The following SUGCT variants were observed in gnomAD, a reference collection of about 807,000 sequenced individuals.
SUGCT encodes succinyl-CoA:glutarate CoA-transferase.
In SUGCT, 41 loss-of-function variants were observed where a neutral mutation model predicts 55.0. The observed-to-expected ratio is 0.74, with a 90% confidence interval of 0.58 to 0.97. The LOEUF is 0.97. Ranked by LOEUF, SUGCT falls within the 50% of genes least tolerant of loss-of-function variation. SUGCT has a pLI of 0.00. For missense variants in SUGCT, 568 were observed against 547.8 expected (o/e 1.04, Z -0.37); for synonymous variants, 187 against 200.4 (o/e 0.93, Z 0.56).
At chr7:40,625,633 G>T (rs1207466082) in intron 12 of SUGCT, among the ~76,000 whole-genome samples, 5 of 152,246 alleles carry the variant, frequency 3.3e-5, no homozygotes, top group African/African-American at 1.2e-4. Flanking sequence ...CAACTCATTA[G>T]GGTATTTTTC....
At chr7:40,739,322 T>C (rs887196783) in intron 12 of SUGCT, among the ~76,000 whole-genome samples, 1 of 152,174 alleles carries the variant, frequency 6.6e-6, no homozygotes, top group African/African-American at 2.4e-5. Context: ...ATTTCAAGAA[T>C]GCTATGTTCA....
chr7:40,723,832 T>C (rs13223940), intron 12 of SUGCT, among the ~76,000 whole-genome samples: 1 of 152,340 alleles, frequency 6.6e-6, no homozygotes, highest in African/African-American at 2.4e-5. Context: ...CTGCTTACTG[T>C]CTGCATCTTC....
chr7:40,591,172 A>C (rs1300235049), intron 12 of SUGCT, among the ~76,000 whole-genome samples: 1 of 152,230 alleles, frequency 6.6e-6, no homozygotes, highest in African/African-American at 2.4e-5. Flanking sequence ...CATTAAGAAC[A>C]TTCGTGATTC....
chr7:40,844,187 G>A (rs554248282), intron 13 of SUGCT, among the ~76,000 whole-genome samples: 5 of 152,254 alleles, frequency 3.3e-5, no homozygotes, highest in African/African-American at 1.2e-4. Context: ...GAAGGCATGT[G>A]TTACAATCAG....
chr7:40,823,682 CT>C (rs1792148876), intron 13 of SUGCT, among the ~76,000 whole-genome samples: 1 of 151,984 alleles, frequency 6.6e-6, no homozygotes, highest in African/African-American at 2.4e-5. Flanking sequence ...CTTTTCTTTC[CT>C]TTCCTCTTCC....
At chr7:40,599,895 G>A (rs2151751026) in intron 12 of SUGCT, among the ~76,000 whole-genome samples, 1 of 152,298 alleles carries the variant, frequency 6.6e-6, no homozygotes, top group Non-Finnish European at 1.5e-5. Flanking sequence ...GGCACCATGT[G>A]CTCTGGAAGC....
chr7:40,268,986 A>G (rs896959251), intron 7 of SUGCT, among the ~76,000 whole-genome samples: 6 of 152,180 alleles, frequency 3.9e-5, no homozygotes, highest in African/African-American at 1.4e-4. Flanking sequence ...TTGCTGGGTC[A>G]TATGGTAACT....
intron 12 of SUGCT, among the ~76,000 whole-genome samples, chr7:40,640,694 C>T (rs1024618666): frequency 5.3e-5 from 8 of 152,186 alleles, no homozygotes; most frequent in Admixed American, 2.6e-4. Flanking sequence ...ACACACCCCC[C>T]ACAAAATTCT....
chr7:40,876,346 A>G, the SUGCT span, among the ~76,000 whole-genome samples: 11 of 152,148 alleles, frequency 7.2e-5, no homozygotes, highest in East Asian at 1.9e-4. Context: ...CAGAGCTTTC[A>G]TGTGCACATA....
At chr7:40,551,724 A>G (rs142503424) in intron 12 of SUGCT, among the ~76,000 whole-genome samples, 9 of 152,320 alleles carry the variant, frequency 5.9e-5, no homozygotes, top group African/African-American at 2.2e-4. Flanking sequence ...ACTGATTACA[A>G]TGTGGTAGGA....
intron 9 of SUGCT, among the ~76,000 whole-genome samples, chr7:40,419,869 C>T (rs1208251076): frequency 6.6e-6 from 1 of 152,170 alleles, no homozygotes; most frequent in Non-Finnish European, 1.5e-5. Flanking sequence ...ATGTGAAACA[C>T]TGTGCTAAGC....
intron 13 of SUGCT, among the ~76,000 whole-genome samples, chr7:40,798,797 T>G (rs1563011618): frequency 6.6e-6 from 1 of 152,210 alleles, no homozygotes. Flanking sequence ...GCAAAATACC[T>G]AAGTTACTAA....
intron 1 of SUGCT, among the ~76,000 whole-genome samples, chr7:40,176,895 C>A (rs1325089392): frequency 7.0e-6 from 1 of 143,880 alleles, no homozygotes; most frequent in Non-Finnish European, 1.5e-5. Context: ...ATCACTTGAA[C>A]CTGGGAAGCG....
chr7:40,248,013 G>GT (rs70996895), intron 7 of SUGCT, among the ~76,000 whole-genome samples: 182 of 123,036 alleles, frequency 1.5e-3, no homozygotes, highest in African/African-American at 4.9e-3. Context: ...TTGTTTTTTT[G>GT]TTTTTTTTTT....
At chr7:40,550,834 T>A (rs1182981547) in intron 12 of SUGCT, among the ~76,000 whole-genome samples, 1 of 152,142 alleles carries the variant, frequency 6.6e-6, no homozygotes, top group Admixed American at 6.6e-5. Flanking sequence ...TTTTTCAGAG[T>A]TCACATACAT....
At chr7:40,846,680 C>CT (rs1793573467) in intron 13 of SUGCT, among the ~76,000 whole-genome samples, 1 of 152,172 alleles carries the variant, frequency 6.6e-6, no homozygotes, top group South Asian at 2.1e-4. Context: ...TACAGTACTG[C>CT]TTTATAACAC....
chr7:40,596,995 A>C (rs1584091820), intron 12 of SUGCT, among the ~76,000 whole-genome samples: 1 of 152,198 alleles, frequency 6.6e-6, no homozygotes, highest in African/African-American at 2.4e-5. Flanking sequence ...GGCTGCATCC[A>C]GTGGATGCGA....
At chr7:40,491,107 G>A (rs577629857) in intron 11 of SUGCT, among the ~76,000 whole-genome samples, 2 of 152,276 alleles carry the variant, frequency 1.3e-5, no homozygotes, top group South Asian at 4.1e-4. Context: ...CTGAGTGCCA[G>A]TTATCTTCTA....
chr7:40,650,706 C>G (rs564502053), intron 12 of SUGCT, among the ~76,000 whole-genome samples: 3 of 152,104 alleles, frequency 2.0e-5, no homozygotes, highest in African/African-American at 7.2e-5. Flanking sequence ...CTTTTTCACT[C>G]AACTTTGTAC....
Sources: allele counts gnomAD v4.1 joint callset (sites outside exome capture counted in the v4.1 genomes callset), GRCh38; gene constraint gnomAD v4.1.1; transcripts MANE v1.5; gene names NCBI Gene and HGNC (gene_info 2026-07-23, HGNC 2026-07-21).